The following N4BP2L1 variants were observed in gnomAD, a reference collection of about 807,000 sequenced individuals.
N4BP2L1 encodes the protein NEDD4 binding protein 2 like 1.
N4BP2L1 carries 12 observed loss-of-function variants against 21.2 expected under a neutral mutation model. That is an observed-to-expected ratio of 0.57 (90% CI 0.36 to 0.92). The LOEUF (loss-of-function observed/expected upper bound fraction) is 0.92, where lower values mean the gene tolerates loss of function less well. Ranked by LOEUF, N4BP2L1 falls within the 40% of genes least tolerant of loss-of-function variation. The pLI, the probability that N4BP2L1 is intolerant of heterozygous loss-of-function variation, is 0.01. For missense variants in N4BP2L1, 259 were observed against 310.6 expected (o/e 0.83, Z 1.25); for synonymous variants, 104 against 112.8 (o/e 0.92, Z 0.49).
chr13:32,414,230 TC>T (rs2074011536), intron 1 of N4BP2L1, among the ~76,000 whole-genome samples: 2 of 152,318 alleles, frequency 1.3e-5, no homozygotes, highest in Middle Eastern at 6.8e-3. Context: ...TATAAAATAT[TC>T]TTCTATGACA....
In N4BP2L1 at chr13:32,403,188, A is replaced by G. The variant is rs1351449100; in HGVS notation, c.486T>C (p.His162=). Residue 162 remains histidine (H), a synonymous_variant, in exon 5 of 5, where the codon CAT becomes CAC. Coordinates refer to ENST00000380130, the MANE Select transcript of N4BP2L1 (RefSeq NM_052818.3). ...GGTGGATTTTTTCTCTTGAGACACC[A>G]TGAATGTTTCTTCTACATGGAAAAA... The part of the protein sequence containing the change: ...NVQELARRNI[H]GVSREKIHRM... 21 of 1,600,282 alleles carry G rather than the reference A, an allele frequency of 1.3e-5. No homozygotes were observed. The highest frequency in any genetic ancestry group is 2.7e-5 in the African/African-American group (2 of 74,364).
chr13:32,422,673 G>A (rs377498821), intron 1 of N4BP2L1, among the ~76,000 whole-genome samples: 1 of 152,132 alleles, frequency 6.6e-6, no homozygotes, highest in Admixed American at 6.5e-5. Flanking sequence ...TCTCCAATGA[G>A]CAAGAACAAG....
At chr13:32,416,296 C>T (rs898669940) in intron 1 of N4BP2L1, among the ~76,000 whole-genome samples, 1 of 152,196 alleles carries the variant, frequency 6.6e-6, no homozygotes, top group Non-Finnish European at 1.5e-5. Flanking sequence ...AATCCCCAAT[C>T]CCCATGTTAC....
chr13:32,415,650 C>T (rs1003585426), intron 1 of N4BP2L1, among the ~76,000 whole-genome samples: 8 of 152,224 alleles, frequency 5.3e-5, no homozygotes, highest in East Asian at 1.9e-4. Flanking sequence ...CAACTTCCTT[C>T]GTATTTTAGA....
chr13:32,409,099 G>A (rs1352994242), intron 1 of N4BP2L1, among the ~76,000 whole-genome samples: 1 of 152,198 alleles, frequency 6.6e-6, no homozygotes, highest in East Asian at 1.9e-4. Context: ...AACCCAGACT[G>A]TTTCTACGCC....
intron 1 of N4BP2L1, among the ~76,000 whole-genome samples, chr13:32,413,578 C>T (rs535879983): frequency 5.3e-5 from 8 of 152,272 alleles, no homozygotes; most frequent in South Asian, 4.1e-4. Flanking sequence ...GACCTCTCCA[C>T]TGGAAAGGTA....
chr13:32,407,344 A>G lies in N4BP2L1; in HGVS notation c.308-6T>C. 6.8e-6 allele frequency: 11 copies of G among 1,614,168 alleles called. No individual in the cohort carries two copies. The highest frequency in any genetic ancestry group is 9.3e-6 in the Non-Finnish European group (11 of 1,180,018). On this transcript the variant is annotated splice_region_variant and splice_polypyrimidine_tract_variant and intron_variant, in intron 2 of 4. Transcript: ENST00000380130. ...ATTCCTCATTGCTTTTCTTGCTGCA[A>G]CACAATGTTACATAACAGTGAACAA...
At chr13:32,411,911 G>T in intron 1 of N4BP2L1, 6 of 273,638 alleles carry the variant, frequency 2.2e-5, no homozygotes, top group Non-Finnish European at 2.8e-5. Context: ...TGCAAAAGTA[G>T]ATGGAATAAT....
intron 1 of N4BP2L1, among the ~76,000 whole-genome samples, chr13:32,409,499 C>T (rs779291903): frequency 5.9e-5 from 9 of 152,172 alleles, no homozygotes; most frequent in South Asian, 4.1e-4. Context: ...AATTATCCAA[C>T]CCATTAAACA....
At position 32,409,249 on chromosome 13, in the gene N4BP2L1, A is replaced by G. The variant is rs76425721; in HGVS notation, c.180-1477T>C. 4.6e-3 allele frequency among the ~76,000 whole-genome samples: 700 copies of G among 152,366 alleles called. 8 individuals carry two copies. Among genetic ancestry groups the G allele is most frequent in the Non-Finnish European group, 8.0e-3 (547 of 68,032 alleles). The stretch of plus-strand genomic sequence containing the variant: ...GTGAATATACATTCCAGAAATGGTA[A>G]CTAAATATCTGTCAAAATTCTTCAG... On this transcript the variant is annotated intron_variant, in intron 1 of 4. Transcript: ENST00000380130.
chr13:32,403,878 T>C (rs1050818257), intron 4 of N4BP2L1: 1 of 460,986 alleles, frequency 2.2e-6, no homozygotes, highest in African/African-American at 2.0e-5. Flanking sequence ...AACCCATGCA[T>C]TCAATCAACA....
intron 1 of N4BP2L1, chr13:32,424,887 G>T (rs1014421060): frequency 2.0e-5 from 3 of 152,106 alleles, no homozygotes; most frequent in African/African-American, 7.2e-5. Flanking sequence ...AAAAAGCACA[G>T]AAATCTAACA....
upstream of N4BP2L1, among the ~76,000 whole-genome samples, chr13:32,429,071 T>C (rs576839825): frequency 6.6e-6 from 1 of 152,382 alleles, no homozygotes; most frequent in Non-Finnish European, 1.5e-5. Flanking sequence ...ATATGGTGGC[T>C]TTGGCTATAA....
At chr13:32,427,462 C>T (rs996121937) in intron 1 of N4BP2L1, among the ~76,000 whole-genome samples, 4 of 152,238 alleles carry the variant, frequency 2.6e-5, no homozygotes, top group African/African-American at 7.2e-5. Flanking sequence ...CAGTCGCCAC[C>T]GGGTTTTCCC....
Position 32,402,544 on chromosome 13 carries a change from T to G in N4BP2L1, c.*398A>C, listed in dbSNP as rs1196378584. The G allele has an allele frequency of 1.1e-6, 1 of 947,728 alleles. No homozygotes were observed. Among genetic ancestry groups the G allele is most frequent in the South Asian group, 4.8e-5 (1 of 20,808 alleles). The allele number at this position is 947,728 out of a possible 1,614,324, so 58.7% of individuals were successfully genotyped here. ...GCCCCCCCACCACTTCTCTCCACCT[T>G]CCCAACTTTACCGATGGAGATGAAT... On this transcript the variant is annotated 3_prime_UTR_variant, in exon 5 of 5. Coordinates refer to ENST00000380130, the MANE Select transcript of N4BP2L1 (RefSeq NM_052818.3).
chr13:32,417,572 G>A (rs2074221712), intron 1 of N4BP2L1, among the ~76,000 whole-genome samples: 1 of 152,086 alleles, frequency 6.6e-6, no homozygotes, highest in South Asian at 2.1e-4. Context: ...TGTGAGAACG[G>A]CAAATTGGTA....
intron 1 of N4BP2L1, chr13:32,411,589 G>C (rs2073863623): frequency 1.0e-6 from 1 of 985,040 alleles, no homozygotes; most frequent in Admixed American, 6.2e-5. Flanking sequence ...TGGTGGTCAG[G>C]AGCCTCATGC....
At chr13:32,426,223 CTTCT>C (rs1402006222) in intron 1 of N4BP2L1, among the ~76,000 whole-genome samples, 2 of 152,194 alleles carry the variant, frequency 1.3e-5, no homozygotes, top group Non-Finnish European at 2.9e-5. Context: ...CGTTTACTTC[CTTCT>C]TTGACACTCA....
chr13:32,404,507 T>G, intron 3 of N4BP2L1, 110 bp from the exon 4 acceptor site: 2 of 765,626 alleles, frequency 2.6e-6, no homozygotes. Flanking sequence ...CCTTTTGTTT[T>G]ACCAGTAATC....
Sources: gnomAD v4.1 joint callset for allele counts (sites outside exome capture counted in the v4.1 genomes callset) on GRCh38, gnomAD v4.1.1 for gene constraint, MANE v1.5 for transcripts, NCBI Gene and HGNC (gene_info 2026-07-23, HGNC 2026-07-21) for gene names.